ITPRID1: variants seen among roughly 807,000 people sequenced by gnomAD.
ITPRID1 encodes the protein protein ITPRID1.
ITPRID1 carries 96 observed loss-of-function variants against 95.4 expected under a neutral mutation model. That is an observed-to-expected ratio of 1.01 (90% CI 0.85 to 1.19). The LOEUF is 1.19. Among genes scored for constraint, ITPRID1 ranks in the 50% most tolerant of loss-of-function variants. ITPRID1 has a pLI of 0.00. For synonymous variants in ITPRID1, 510 were observed against 453.6 expected (o/e 1.12, Z -1.58); for missense variants, 1,339 against 1,252.9 (o/e 1.07, Z -1.04).
At chr7:31,651,654 A>G (rs964094618) in intron 13 of ITPRID1, among the ~76,000 whole-genome samples, 2 of 152,172 alleles carry the variant, frequency 1.3e-5, no homozygotes, top group African/African-American at 4.8e-5. Flanking sequence ...TTGGGGAAAT[A>G]GAAGTGTTTT....
At chr7:31,574,213 G>A (rs960725831) in intron 7 of ITPRID1, among the ~76,000 whole-genome samples, 18 of 146,844 alleles carry the variant, frequency 1.2e-4, no homozygotes, top group Admixed American at 4.1e-4. Flanking sequence ...GTGACCACTT[G>A]TTTTTGGTTG....
intron 10 of ITPRID1, among the ~76,000 whole-genome samples, chr7:31,632,169 C>T (rs545221641): frequency 1.1e-3 from 163 of 152,302 alleles, no homozygotes; most frequent in African/African-American, 3.8e-3. Context: ...TTGACAGAGG[C>T]AGGGCGTGGT....
chr7:31,612,784 G>C (rs1304907269), intron 10 of ITPRID1, among the ~76,000 whole-genome samples: 2 of 152,104 alleles, frequency 1.3e-5, no homozygotes, highest in Non-Finnish European at 2.9e-5. Context: ...TGAGAAATTA[G>C]GGTCTTCTCA....
chr7:31,517,018 G>A (rs550617306), intron 1 of ITPRID1, among the ~76,000 whole-genome samples: 8 of 152,292 alleles, frequency 5.3e-5, no homozygotes, highest in Non-Finnish European at 7.4e-5. Flanking sequence ...GACCTCTACC[G>A]TGTTACAGCT....
intron 6 of ITPRID1, among the ~76,000 whole-genome samples, chr7:31,571,382 G>A (rs1016026562): frequency 6.6e-6 from 1 of 152,122 alleles, no homozygotes; most frequent in African/African-American, 2.4e-5. Flanking sequence ...AGGATACCTT[G>A]TTCTCCTTGG....
intron 10 of ITPRID1, among the ~76,000 whole-genome samples, chr7:31,633,779 G>A (rs1039431785): frequency 6.6e-6 from 1 of 152,196 alleles, no homozygotes; most frequent in African/African-American, 2.4e-5. Context: ...CCATAAAATA[G>A]TTAAAGTAGA....
intron 1 of ITPRID1, among the ~76,000 whole-genome samples, chr7:31,535,083 A>G (rs1214654546): frequency 6.6e-6 from 1 of 152,138 alleles, no homozygotes; most frequent in Admixed American, 6.5e-5. Context: ...TGGCTAATGC[A>G]ACCAAGGAAC....
rs528783701 is a variant in ITPRID1 at position 31,652,055 on chromosome 7, G to T, written c.2823+5G>T. On this transcript the variant is annotated splice_donor_5th_base_variant and intron_variant, in intron 14 of 14. Coordinates refer to ENST00000615280, the MANE Select transcript of ITPRID1 (RefSeq NM_001257967.3). ...ATCAGAGAAGGGATTTTACTGGTAT[G>T]GGTGATGGGGTGTGGAGTTTGACTA... The T allele has an allele frequency of 3.8e-6, 6 of 1,572,914 alleles. No homozygotes were observed. The East Asian group carries it at 1.4e-4, about 36-fold the overall frequency.
At chr7:31,583,471 C>CA (rs991168244) in intron 10 of ITPRID1, among the ~76,000 whole-genome samples, 10 of 151,786 alleles carry the variant, frequency 6.6e-5, no homozygotes, top group Admixed American at 3.3e-4. Context: ...ACTAAAAATA[C>CA]AAAAAAAATT....
chr7:31,578,873 A>T (rs971882461), intron 9 of ITPRID1, among the ~76,000 whole-genome samples: 6 of 152,030 alleles, frequency 3.9e-5, no homozygotes, highest in Non-Finnish European at 8.8e-5. Flanking sequence ...TTAGAGATTG[A>T]GTGTGTGTCA....
chr7:31,515,571 G>A (rs951377544), intron 1 of ITPRID1, among the ~76,000 whole-genome samples: 5 of 151,928 alleles, frequency 3.3e-5, no homozygotes, highest in Non-Finnish European at 5.9e-5. Flanking sequence ...GCAAAACTCC[G>A]TCTCAAAAAA....
chr7:31,642,049 T>C lies in ITPRID1; in HGVS notation c.1229-127T>C, dbSNP rs566852249. 7.6e-6 allele frequency: 4 copies of C among 527,938 alleles called. No homozygotes were observed. The East Asian group carries it at 1.3e-4, about 17-fold the overall frequency. 32.7% of individuals were successfully genotyped at this position (527,938 alleles called of 1,614,324 possible). ...ATGTCCTTGGAATTCCCTCATTTGT[T>C]TTTTCTTCCACACAGTGGGCATTTC... On this transcript the variant is annotated intron_variant, in intron 10 of 14. Transcript: ENST00000615280.
At chr7:31,538,891 A>C (rs1255479430) in intron 1 of ITPRID1, among the ~76,000 whole-genome samples, 1 of 152,160 alleles carries the variant, frequency 6.6e-6, no homozygotes, top group Non-Finnish European at 1.5e-5. Context: ...TCCTCATTGG[A>C]CTTTCACCCC....
intron 10 of ITPRID1, among the ~76,000 whole-genome samples, chr7:31,614,776 A>G (rs1787046684): frequency 6.6e-6 from 1 of 152,178 alleles, no homozygotes; most frequent in Non-Finnish European, 1.5e-5. Context: ...ATTGAACATC[A>G]TTGTCATCTG....
chr7:31,620,354 A>AC (rs1361632763), intron 10 of ITPRID1, among the ~76,000 whole-genome samples: 2 of 151,640 alleles, frequency 1.3e-5, no homozygotes, highest in African/African-American at 2.4e-5. Context: ...ACTGGGAGGC[A>AC]CCCCCCAGTA....
At chr7:31,617,152 A>G (rs1331397770) in intron 10 of ITPRID1, among the ~76,000 whole-genome samples, 1 of 152,152 alleles carries the variant, frequency 6.6e-6, no homozygotes, top group Non-Finnish European at 1.5e-5. Flanking sequence ...TTTTTGAAGC[A>G]TTTGCCATCT....
intron 10 of ITPRID1, among the ~76,000 whole-genome samples, chr7:31,585,293 C>T (rs1209673523): frequency 2.0e-5 from 3 of 152,096 alleles, no homozygotes; most frequent in African/African-American, 7.2e-5. Context: ...ACTGTATTGC[C>T]TCTGCTCATG....
intron 6 of ITPRID1, among the ~76,000 whole-genome samples, chr7:31,571,021 T>C (rs1784967953): frequency 7.9e-6 from 1 of 126,200 alleles, no homozygotes; most frequent in African/African-American, 2.6e-5. Context: ...GGCCCAGCTA[T>C]TGTTTTTTTT....
intron 10 of ITPRID1, among the ~76,000 whole-genome samples, chr7:31,602,996 C>T (rs1166753568): frequency 6.6e-6 from 1 of 151,198 alleles, no homozygotes; most frequent in African/African-American, 2.4e-5. Flanking sequence ...CTCATCGCAT[C>T]TTTCCTCATC....
Sources: allele counts gnomAD v4.1 joint callset (sites outside exome capture counted in the v4.1 genomes callset), GRCh38; gene constraint gnomAD v4.1.1; transcripts MANE v1.5; gene names NCBI Gene and HGNC (gene_info 2026-07-23, HGNC 2026-07-21).